The following KCNMB2 variants were observed in gnomAD, a reference collection of about 807,000 sequenced individuals.
KCNMB2 encodes the protein calcium-activated potassium channel subunit beta-2.
A neutral mutation model predicts 24.5 loss-of-function variants in KCNMB2; 9 were observed. The observed-to-expected ratio is 0.37, with a 90% confidence interval of 0.22 to 0.64. KCNMB2 has a LOEUF of 0.64. Ranked by LOEUF, KCNMB2 falls within the 30% of genes least tolerant of loss-of-function variation. The pLI, the probability that KCNMB2 is intolerant of heterozygous loss-of-function variation, is 0.63. For missense variants in KCNMB2, 226 were observed against 284.3 expected (o/e 0.79, Z 1.47); for synonymous variants, 109 against 104.4 (o/e 1.04, Z -0.27).
intron 2 of KCNMB2, among the ~76,000 whole-genome samples, chr3:178,822,365 C>T (rs373924077): frequency 1.1e-4 from 17 of 152,358 alleles, no homozygotes; most frequent in African/African-American, 4.1e-4. Context: ...CCTGCTCCCT[C>T]AAGCTGGGGT....
chr3:178,772,405 T>A (rs947812222), intron 1 of KCNMB2, among the ~76,000 whole-genome samples: 9 of 152,184 alleles, frequency 5.9e-5, no homozygotes, highest in African/African-American at 2.2e-4. Flanking sequence ...TGGGGGCAGG[T>A]CTTTCCCATG....
chr3:178,557,314 T>A (rs1716158596), intron 1 of KCNMB2, among the ~76,000 whole-genome samples: 1 of 152,148 alleles, frequency 6.6e-6, no homozygotes, highest in South Asian at 2.1e-4. Context: ...GGCTCTCTTT[T>A]TCCTCTGAGA....
At chr3:178,600,376 G>A (rs1346047751) in intron 1 of KCNMB2, among the ~76,000 whole-genome samples, 1 of 152,136 alleles carries the variant, frequency 6.6e-6, no homozygotes, top group African/African-American at 2.4e-5. Flanking sequence ...CTACGAACAT[G>A]CGTGTGCAAA....
chr3:178,606,782 G>C (rs1382042), intron 1 of KCNMB2, among the ~76,000 whole-genome samples: 84,350 of 151,950 alleles, frequency 0.56, 25,547 homozygotes, highest in African/African-American at 0.82. Context: ...GAGGTAAGGG[G>C]CTTTGGTAGG....
intron 1 of KCNMB2, among the ~76,000 whole-genome samples, chr3:178,640,496 T>C (rs1026995724): frequency 2.0e-5 from 3 of 152,040 alleles, no homozygotes; most frequent in East Asian, 1.9e-4. Context: ...TCCCACCACG[T>C]CCCTCCCCAA....
intron 1 of KCNMB2, among the ~76,000 whole-genome samples, chr3:178,587,095 A>T (rs28496335): frequency 0.031 from 4,715 of 152,140 alleles, 241 homozygotes; most frequent in African/African-American, 0.11. Flanking sequence ...TGGTGTGAAC[A>T]TAGTAATTGG....
At chr3:178,612,294 AT>A (rs539301470) in intron 1 of KCNMB2, among the ~76,000 whole-genome samples, 4 of 152,062 alleles carry the variant, frequency 2.6e-5, no homozygotes, top group Non-Finnish European at 2.9e-5. Context: ...ATTTAGTCTG[AT>A]TTTTTTTGTT....
chr3:178,765,268 C>T (rs1002988260), intron 1 of KCNMB2, among the ~76,000 whole-genome samples: 2 of 152,188 alleles, frequency 1.3e-5, no homozygotes, highest in East Asian at 1.9e-4. Flanking sequence ...CCCTCACACA[C>T]GTGTTATCAA....
chr3:178,536,958 T>C (rs968107676), intron 1 of KCNMB2, among the ~76,000 whole-genome samples: 1 of 152,170 alleles, frequency 6.6e-6, no homozygotes, highest in African/African-American at 2.4e-5. Context: ...CACGTTGCTT[T>C]TCCTGTGGAG....
At chr3:178,794,360 T>C (rs1405672428) in intron 1 of KCNMB2, among the ~76,000 whole-genome samples, 1 of 151,978 alleles carries the variant, frequency 6.6e-6, no homozygotes, top group Non-Finnish European at 1.5e-5. Context: ...CTTGGATCAG[T>C]ACCTGAACAG....
chr3:178,600,384 A>G (rs1298341218), intron 1 of KCNMB2, among the ~76,000 whole-genome samples: 1 of 152,186 alleles, frequency 6.6e-6, no homozygotes, highest in Non-Finnish European at 1.5e-5. Context: ...ATGCGTGTGC[A>G]AATATCTCTT....
At chr3:178,602,966 T>C (rs558994946) in intron 1 of KCNMB2, among the ~76,000 whole-genome samples, 1 of 152,246 alleles carries the variant, frequency 6.6e-6, no homozygotes, top group African/African-American at 2.4e-5. Flanking sequence ...GGGAAGCACA[T>C]CTTCCAAAAC....
chr3:178,699,165 A>C (rs1721992218), intron 1 of KCNMB2, among the ~76,000 whole-genome samples: 1 of 152,196 alleles, frequency 6.6e-6, no homozygotes, highest in Non-Finnish European at 1.5e-5. Flanking sequence ...CAGGATGCTG[A>C]CTAGCTCAGG....
At position 178,842,691 on chromosome 3, in the gene KCNMB2, A is replaced by G. The variant is rs1333809560; in HGVS notation, c.462A>G (p.Glu154=). 8 of 1,612,892 alleles carry G rather than the reference A, an allele frequency of 5.0e-6. No homozygotes were observed. The highest frequency in any genetic ancestry group is 6.8e-6 in the Non-Finnish European group (8 of 1,179,008). ...CTAAATGTGGAAAAAATTTTGAAGA[A>G]TCCATGTCCCTGGTGAATGTTGTCA... The part of the protein sequence containing the change: ...YIPKCGKNFE[E]SMSLVNVVME... The change falls in exon 5 of 5, where the codon GAA becomes GAG. Residue 154 remains glutamate, a synonymous_variant. Transcript: ENST00000452583.
chr3:178,766,346 A>T (rs1180905485), intron 1 of KCNMB2, among the ~76,000 whole-genome samples: 1 of 152,022 alleles, frequency 6.6e-6, no homozygotes, highest in Non-Finnish European at 1.5e-5. Context: ...GGTGTATACC[A>T]CTACACCTGG....
intron 1 of KCNMB2, among the ~76,000 whole-genome samples, chr3:178,730,763 A>C (rs1369578743): frequency 1.3e-5 from 2 of 152,010 alleles, no homozygotes; most frequent in African/African-American, 2.4e-5. Flanking sequence ...CCTGCAGTAG[A>C]CCCTTTGCAT....
intron 1 of KCNMB2, among the ~76,000 whole-genome samples, chr3:178,560,972 G>C (rs1202062968): frequency 6.6e-6 from 1 of 152,134 alleles, no homozygotes. Context: ...TGGACACTCA[G>C]AAGCACACAG....
In KCNMB2 at chr3:178,843,263, G is replaced by C. The variant is rs1182747576; in HGVS notation, c.*326G>C. 1 of 478,050 alleles carries C rather than the reference G, an allele frequency of 2.1e-6. No homozygotes were observed. The highest frequency in any genetic ancestry group is 2.0e-5 in the African/African-American group (1 of 51,188). The allele number at this position is 478,050 out of a possible 1,614,324, so 29.6% of individuals were successfully genotyped here. On this transcript the variant is annotated 3_prime_UTR_variant, in exon 5 of 5. Transcript: ENST00000452583. ...GTGGAGGAATGTAGGTGACATCAAT[G>C]TGATAAAGTCTGTGTTCTGAGTTGT...
At chr3:178,593,409 A>T (rs1717750961) in intron 1 of KCNMB2, among the ~76,000 whole-genome samples, 1 of 152,094 alleles carries the variant, frequency 6.6e-6, no homozygotes, top group South Asian at 2.1e-4. Flanking sequence ...TAAACATGCC[A>T]AAGAGTCTAG....
Sources: allele counts gnomAD v4.1 joint callset (sites outside exome capture counted in the v4.1 genomes callset), GRCh38; gene constraint gnomAD v4.1.1; transcripts MANE v1.5; gene names NCBI Gene and HGNC (gene_info 2026-07-23, HGNC 2026-07-21).